DLGAP1: variants seen among roughly 807,000 people sequenced by gnomAD.
DLGAP1 encodes the protein DLG associated protein 1.
DLGAP1 carries 11 observed loss-of-function variants against 90.8 expected under a neutral mutation model. The ratio of observed to expected loss-of-function variants is 0.12; its 90% CI spans 0.08 to 0.20. The LOEUF is 0.20. Among genes scored for constraint, DLGAP1 ranks in the 10% least tolerant of loss-of-function variants. The pLI is 1.00. For synonymous variants in DLGAP1, 558 were observed against 540.7 expected (o/e 1.03, Z -0.44); for missense variants, 1,050 against 1,333.8 (o/e 0.79, Z 3.31).
chr18:4,115,683 T>C (rs563278064), intron 2 of DLGAP1, among the ~76,000 whole-genome samples: 2 of 152,228 alleles, frequency 1.3e-5, no homozygotes, highest in Non-Finnish European at 2.9e-5. Context: ...AGACGGGGTT[T>C]CACCGTGTTA....
At chr18:4,327,991 G>A (rs1211390089) in intron 1 of DLGAP1, among the ~76,000 whole-genome samples, 1 of 150,514 alleles carries the variant, frequency 6.6e-6, no homozygotes. Context: ...CGAAAAGACT[G>A]AATTGTCATA....
chr18:4,080,173 T>C (rs1440762183), intron 2 of DLGAP1, among the ~76,000 whole-genome samples: 1 of 152,176 alleles, frequency 6.6e-6, no homozygotes. Flanking sequence ...AAAATAGACA[T>C]ATTGCAGTGC....
intron 2 of DLGAP1, among the ~76,000 whole-genome samples, chr18:4,093,103 C>G (rs1306349802): frequency 6.6e-6 from 1 of 151,966 alleles, no homozygotes; most frequent in Non-Finnish European, 1.5e-5. Flanking sequence ...TTTCCTTAGC[C>G]TTGGTGGAAG....
At chr18:4,002,600 A>T (rs2074216199) in intron 3 of DLGAP1, among the ~76,000 whole-genome samples, 1 of 152,222 alleles carries the variant, frequency 6.6e-6, no homozygotes, top group Non-Finnish European at 1.5e-5. Flanking sequence ...TGTAATACAT[A>T]TTACATATAA....
chr18:4,273,308 C>T (rs1436208836), intron 1 of DLGAP1, among the ~76,000 whole-genome samples: 1 of 152,212 alleles, frequency 6.6e-6, no homozygotes, highest in Non-Finnish European at 1.5e-5. Context: ...CTTGCTTCCC[C>T]AGCATACATG....
intron 2 of DLGAP1, among the ~76,000 whole-genome samples, chr18:4,033,497 A>G (rs1022938846): frequency 3.9e-5 from 6 of 152,194 alleles, no homozygotes; most frequent in African/African-American, 1.4e-4. Flanking sequence ...ATCCTAGGCC[A>G]GATACTCAGA....
At chr18:4,269,560 T>C (rs890950903) in intron 1 of DLGAP1, among the ~76,000 whole-genome samples, 13 of 152,006 alleles carry the variant, frequency 8.6e-5, no homozygotes, top group South Asian at 4.2e-4. Context: ...TTCACCGTGT[T>C]AGCCAGGATG....
chr18:4,208,040 A>G (rs1315939673), intron 1 of DLGAP1, among the ~76,000 whole-genome samples: 1 of 152,228 alleles, frequency 6.6e-6, no homozygotes, highest in African/African-American at 2.4e-5. Flanking sequence ...CCTCATCTGT[A>G]TAATATTTTT....
intron 1 of DLGAP1, among the ~76,000 whole-genome samples, chr18:4,422,243 T>C (rs2083055478): frequency 6.6e-6 from 1 of 151,904 alleles, no homozygotes; most frequent in African/African-American, 2.4e-5. Context: ...AGTATATTTA[T>C]ACAATGACAT....
At chr18:4,394,119 T>C (rs2082393194) in intron 1 of DLGAP1, among the ~76,000 whole-genome samples, 1 of 152,204 alleles carries the variant, frequency 6.6e-6, no homozygotes, top group Non-Finnish European at 1.5e-5. Context: ...AGTAGCTATA[T>C]GGCTAAACAT....
chr18:4,092,677 CAG>C (rs939272374), intron 2 of DLGAP1, among the ~76,000 whole-genome samples: 1 of 152,104 alleles, frequency 6.6e-6, no homozygotes, highest in African/African-American at 2.4e-5. Context: ...TGTTCCATAA[CAG>C]GGGCAGGCCA....
At chr18:3,688,614 GACAC>G (rs60415611) in intron 7 of DLGAP1, among the ~76,000 whole-genome samples, 2,595 of 100,614 alleles carry the variant, frequency 0.026, 53 homozygotes, top group Middle Eastern at 0.044. Context: ...ATTAAAAAAA[GACAC>G]ACACACACAC....
chr18:3,961,832 C>G (rs1358389092), intron 3 of DLGAP1, among the ~76,000 whole-genome samples: 1 of 152,178 alleles, frequency 6.6e-6, no homozygotes, highest in Non-Finnish European at 1.5e-5. Context: ...CATCATGCTG[C>G]TGTGAGGGGC....
chr18:3,858,672 A>T (rs1001205005), intron 4 of DLGAP1, among the ~76,000 whole-genome samples: 3 of 152,114 alleles, frequency 2.0e-5, no homozygotes, highest in African/African-American at 7.2e-5. Flanking sequence ...GAGACTGATA[A>T]AAATTTCAAA....
intron 3 of DLGAP1, among the ~76,000 whole-genome samples, chr18:3,999,064 G>A (rs2074127664): frequency 6.6e-6 from 1 of 152,024 alleles, no homozygotes; most frequent in Non-Finnish European, 1.5e-5. Context: ...TACAAAACAA[G>A]TCTAGTTTTT....
chr18:3,883,118 C>T (rs2071221531), intron 3 of DLGAP1, among the ~76,000 whole-genome samples: 1 of 152,150 alleles, frequency 6.6e-6, no homozygotes, highest in Non-Finnish European at 1.5e-5. Context: ...GTGGCGGGAG[C>T]CTGTAATATC....
Position 3,534,222 on chromosome 18 carries a change from T to C in DLGAP1, c.2451A>G (p.Glu817=). Residue 817 remains glutamate, a synonymous_variant, in exon 10 of 13, where the codon GAA becomes GAG. Transcript: ENST00000315677. Reference sequence around the variant, plus strand: ...CTTCGGGCAGGTTGTTTTCCCGTTCTTCCCGCTCCATCTGTTGACACCACC... The same window carrying C: ...CTTCGGGCAGGTTGTTTTCCCGTTCCTCCCGCTCCATCTGTTGACACCACC... ...MEGWCQQMER[E]ERENNLPEDI... 1 of 1,614,132 alleles carries C rather than the reference T, an allele frequency of 6.2e-7. No individual in the cohort carries two copies. Among genetic ancestry groups the C allele is most frequent in the South Asian group, 1.1e-5 (1 of 91,068 alleles).
chr18:4,392,962 A>G (rs2082368519), intron 1 of DLGAP1, among the ~76,000 whole-genome samples: 1 of 152,172 alleles, frequency 6.6e-6, no homozygotes, highest in Non-Finnish European at 1.5e-5. Flanking sequence ...GTAATCCATC[A>G]GCAAGTCATG....
intron 8 of DLGAP1, among the ~76,000 whole-genome samples, chr18:3,569,752 G>T (rs547986005): frequency 2.0e-5 from 3 of 151,678 alleles, no homozygotes; most frequent in South Asian, 4.2e-4. Flanking sequence ...TAACTAATTC[G>T]CCTTTTTTAT....
Sources: gnomAD v4.1 joint callset for allele counts (sites outside exome capture counted in the v4.1 genomes callset) on GRCh38, gnomAD v4.1.1 for gene constraint, MANE v1.5 for transcripts, NCBI Gene and HGNC (gene_info 2026-07-23, HGNC 2026-07-21) for gene names.